The following PAFAH1B2 variants were observed in gnomAD, a reference collection of about 807,000 sequenced individuals.
The protein encoded by PAFAH1B2 is platelet activating factor acetylhydrolase 1b catalytic subunit 2, also known as platelet-activating factor acetylhydrolase IB subunit alpha2.
Under a neutral mutation model 28.0 loss-of-function variants are expected in PAFAH1B2, and 8 were observed. The ratio of observed to expected loss-of-function variants is 0.29; its 90% CI spans 0.17 to 0.52. The LOEUF is 0.52. Among genes scored for constraint, PAFAH1B2 ranks in the 20% least tolerant of loss-of-function variants. PAFAH1B2 has a pLI of 0.97. For missense variants in PAFAH1B2, 190 were observed against 282.6 expected, an observed-to-expected ratio of 0.67 and a Z score of 2.35; for synonymous variants, 104 against 103.2, an observed-to-expected ratio of 1.01 and a Z score of -0.05.
downstream of PAFAH1B2, chr11:117,174,863 C>A: frequency 2.1e-6 from 3 of 1,433,962 alleles, no homozygotes; most frequent in Non-Finnish European, 2.8e-6. Flanking sequence ...GATCCAACCG[C>A]CTTGGCCTCC....
intron 1 of PAFAH1B2, among the ~76,000 whole-genome samples, chr11:117,150,028 C>G (rs1956113125): frequency 6.6e-6 from 1 of 152,086 alleles, no homozygotes; most frequent in Non-Finnish European, 1.5e-5. Flanking sequence ...AAGACCTTGT[C>G]TCAAAAAATT....
chr11:117,154,285 C>T (rs1956216631), intron 2 of PAFAH1B2, among the ~76,000 whole-genome samples: 1 of 151,868 alleles, frequency 6.6e-6, no homozygotes, highest in Non-Finnish European at 1.5e-5. Context: ...CCCAGGAGTT[C>T]AAGACGAAGG....
chr11:117,175,841 C>T (rs918934407), downstream of PAFAH1B2: 13 of 1,420,094 alleles, frequency 9.2e-6, no homozygotes, highest in Non-Finnish European at 1.2e-5. Flanking sequence ...TGTGGCAGAT[C>T]GCTTGAAGCC....
intron 1 of PAFAH1B2, among the ~76,000 whole-genome samples, chr11:117,151,636 A>C (rs4938351): frequency 0.45 from 68,960 of 152,042 alleles, 18,209 homozygotes; most frequent in Non-Finnish European, 0.61. Context: ...CATAATCTGT[A>C]CTACAGTTAT....
At chr11:117,173,861 T>G (rs1336373396), downstream of PAFAH1B2, among the ~76,000 whole-genome samples, 3 of 152,254 alleles carry the variant, frequency 2.0e-5, no homozygotes, top group Non-Finnish European at 2.9e-5. Flanking sequence ...GAACTCTTGC[T>G]GGAGCTGCTT....
At chr11:117,167,279 A>G in intron 5 of PAFAH1B2, 142 bp from the exon 6 acceptor site, 1 of 861,012 alleles carries the variant, frequency 1.2e-6, no homozygotes, top group Non-Finnish European at 1.7e-6. Context: ...GCTTTCATTC[A>G]AAACAGTATT....
At chr11:117,171,185 T>C (rs1333937870), downstream of PAFAH1B2, 2 of 520,246 alleles carry the variant, frequency 3.8e-6, no homozygotes, top group Non-Finnish European at 5.1e-6. Flanking sequence ...TGCACCAGGC[T>C]GACTCATCAC....
At chr11:117,163,671 TCAAAAAA>T (rs1231462630) in intron 4 of PAFAH1B2, 92 bp from the exon 5 acceptor site, 6 of 749,924 alleles carry the variant, frequency 8.0e-6, no homozygotes, top group Non-Finnish European at 1.2e-5. Context: ...AGACCCCATC[TCAAAAAA>T]AAAAAAAAAA....
At chr11:117,164,740 A>C (rs543901098) in intron 5 of PAFAH1B2, among the ~76,000 whole-genome samples, 1 of 151,844 alleles carries the variant, frequency 6.6e-6, no homozygotes, top group Non-Finnish European at 1.5e-5. Flanking sequence ...TTTCAGTATA[A>C]AAGTCTAGCT....
intron 2 of PAFAH1B2, among the ~76,000 whole-genome samples, chr11:117,157,674 C>T (rs1956281929): frequency 6.6e-6 from 1 of 152,108 alleles, no homozygotes; most frequent in Non-Finnish European, 1.5e-5. Context: ...TTCCTGTAGT[C>T]CTAGCTAGTT....
At chr11:117,154,611 T>TA (rs1412619856) in intron 2 of PAFAH1B2, among the ~76,000 whole-genome samples, 1 of 152,036 alleles carries the variant, frequency 6.6e-6, no homozygotes, top group African/African-American at 2.4e-5. Flanking sequence ...TAATTTTTTT[T>TA]ATTATTTTTT....
intron 4 of PAFAH1B2, among the ~76,000 whole-genome samples, chr11:117,163,166 C>G (rs1001254694): frequency 7.4e-6 from 1 of 134,416 alleles, no homozygotes; most frequent in African/African-American, 2.7e-5. Flanking sequence ...AGGCATAAAT[C>G]GATGCATTAA....
downstream of PAFAH1B2, chr11:117,171,538 GA>G (rs543577332): frequency 0.16 from 69,493 of 437,200 alleles, 82 homozygotes; most frequent in East Asian, 0.2. Flanking sequence ...TCTTGTCTCG[GA>G]AAAAAAAAAA....
downstream of PAFAH1B2, chr11:117,175,525 C>T: frequency 9.1e-7 from 1 of 1,101,800 alleles, no homozygotes; most frequent in Non-Finnish European, 1.1e-6. Context: ...GGAAGGATCC[C>T]TTCAGAGTTT....
At chr11:117,171,830 T>TC (rs11402532), downstream of PAFAH1B2, 1,343 of 1,051,488 alleles carry the variant, frequency 1.3e-3, 18 homozygotes, top group African/African-American at 0.018. Flanking sequence ...ACTGTTCACC[T>TC]CAGTGGTATA....
exon 6 of PAFAH1B2, chr11:117,176,066 C>G: frequency 1.3e-6 from 1 of 780,062 alleles, no homozygotes; most frequent in Non-Finnish European, 2.2e-6. Context: ...TTCATATTCG[C>G]CTAGATGTGC....
downstream of PAFAH1B2, among the ~76,000 whole-genome samples, chr11:117,173,150 G>A (rs1014296496): frequency 1.3e-5 from 2 of 152,224 alleles, no homozygotes; most frequent in Non-Finnish European, 2.9e-5. Context: ...GACCAGCCTT[G>A]TTTCCTGGAA....
chr11:117,151,685 AT>A (rs1163684711), intron 1 of PAFAH1B2, among the ~76,000 whole-genome samples: 1 of 151,894 alleles, frequency 6.6e-6, no homozygotes, highest in Non-Finnish European at 1.5e-5. Flanking sequence ...GATTATAATC[AT>A]TGCAGTAGTA....
chr11:117,165,266 C>A (rs1341906157), intron 5 of PAFAH1B2, among the ~76,000 whole-genome samples: 1 of 149,998 alleles, frequency 6.7e-6, no homozygotes, highest in African/African-American at 2.5e-5. Flanking sequence ...CAGAGAATTT[C>A]TTAAACCTGG....
Sources: gnomAD v4.1 joint callset for allele counts (sites outside exome capture counted in the v4.1 genomes callset) on GRCh38, gnomAD v4.1.1 for gene constraint, MANE v1.5 for transcripts, NCBI Gene and HGNC (gene_info 2026-07-23, HGNC 2026-07-21) for gene names.